Variants in NHS observed in about 807,000 individuals in gnomAD.
NHS encodes the protein NHS actin remodeling regulator, also known as actin remodeling regulator NHS.
NHS carries 5 observed loss-of-function variants against 72.5 expected under a neutral mutation model. The ratio of observed to expected loss-of-function variants is 0.07; its 90% CI spans 0.04 to 0.14. The LOEUF is 0.14. Ranked by LOEUF, NHS falls within the 10% of genes least tolerant of loss-of-function variation. The probability of loss-of-function intolerance (pLI) is 1.00; values close to 1 mark genes in which losing one functional copy is unlikely to be tolerated. For missense variants in NHS, 1,072 were observed against 1,355.7 expected (o/e 0.79, Z 3.29); for synonymous variants, 464 against 547.7 (o/e 0.85, Z 2.13).
At chrX:17,429,963 C>A (rs984072163) in intron 1 of NHS, among the ~76,000 whole-genome samples, 2 of 111,612 alleles carry the variant, frequency 1.8e-5, no homozygotes, top group South Asian at 7.6e-4. Flanking sequence ...GCTGCCTTTT[C>A]CCCCTCACTG....
chrX:17,430,424 C>T (rs2064689484), intron 1 of NHS, among the ~76,000 whole-genome samples: 1 of 92,801 alleles, frequency 1.1e-5, no homozygotes, highest in Admixed American at 1.3e-4. Context: ...TTCCTTCCTT[C>T]CTTCCTTTCT....
intron 1 of NHS, among the ~76,000 whole-genome samples, chrX:17,548,610 A>G (rs768310067): frequency 1.8e-5 from 2 of 112,131 alleles, no homozygotes; most frequent in South Asian, 7.4e-4. Context: ...ATGCACATAC[A>G]CATATAGACA....
intron 1 of NHS, among the ~76,000 whole-genome samples, chrX:17,409,554 C>G (rs982679851): frequency 1.4e-4 from 15 of 111,085 alleles, no homozygotes; most frequent in Non-Finnish European, 2.8e-4. Flanking sequence ...GCTCATATAA[C>G]AAATGTTTCT....
intron 1 of NHS, among the ~76,000 whole-genome samples, chrX:17,522,539 GC>G (rs1018401783): frequency 4.7e-5 from 4 of 85,875 alleles, no homozygotes; most frequent in Admixed American, 3.3e-4. Context: ...GCAGCCCAGG[GC>G]CGTCTGTGGT....
At chrX:17,388,496 A>G (rs2064422192) in intron 1 of NHS, among the ~76,000 whole-genome samples, 1 of 110,611 alleles carries the variant, frequency 9.0e-6, no homozygotes, top group Non-Finnish European at 1.9e-5. Flanking sequence ...AGAGTGTTCC[A>G]GTGGAGAGAA....
chrX:17,390,950 T>C (rs1320811661), intron 1 of NHS, among the ~76,000 whole-genome samples: 2 of 112,176 alleles, frequency 1.8e-5, no homozygotes, highest in Non-Finnish European at 1.9e-5. Context: ...CTGTTAAGAA[T>C]ATTGGCTTGT....
At chrX:17,476,679 T>A (rs1227898387) in intron 1 of NHS, among the ~76,000 whole-genome samples, 4 of 111,641 alleles carry the variant, frequency 3.6e-5, no homozygotes, top group Non-Finnish European at 7.5e-5. Flanking sequence ...TCAAGCTGAA[T>A]CCTACAGAAG....
intron 2 of NHS, among the ~76,000 whole-genome samples, chrX:17,689,660 A>T (rs1428665566): frequency 1.8e-5 from 2 of 112,124 alleles, no homozygotes; most frequent in Non-Finnish European, 3.8e-5. Flanking sequence ...CATGAAGCTG[A>T]CATATAGTAG....
chrX:17,727,884 G>A lies in NHS; in HGVS notation c.3778G>A (p.Glu1260Lys). The A allele has an allele frequency of 1.7e-6, 2 of 1,211,952 alleles. No homozygotes were observed. Among genetic ancestry groups the A allele is most frequent in the Non-Finnish European group, 2.2e-6 (2 of 895,610 alleles). ...GCGTACAGAGACTGAGCCTATTCCA[G>A]AAAACACGCCAACCAAAAACTGTGC... ...QVRTETEPIP[E>K]NTPTKNCAFP... Residue 1260 changes from glutamate to lysine, a missense_variant, in exon 7 of 9, where the codon GAA (glutamate) becomes AAA (lysine). Transcript: ENST00000676302.
rs746566042 is a variant in NHS, at chrX:17,727,021, C to T, written c.2915C>T (p.Thr972Ile). ...TCTAATTCAAGCACCGCTACGGGTA[C>T]CACAGTCATTGAATGCATCAAATCT... ...SLSNSSTATGTTVIECIKSPE... is the reference protein window; with the variant it reads ...SLSNSSTATGITVIECIKSPE... Residue 972 changes from threonine (T) to isoleucine (I), a missense_variant, in exon 7 of 9, where the codon ACC (threonine) becomes ATC (isoleucine). By Grantham distance (89) the Thr-to-Ile change is moderately conservative (BLOSUM62 -1). Coordinates refer to ENST00000676302, the MANE Select transcript of NHS (RefSeq NM_001291867.2). The T allele has an allele frequency of 8.3e-7, 1 of 1,211,851 alleles. No individual in the cohort carries two copies. Among genetic ancestry groups the T allele is most frequent in the African/African-American group, 1.7e-5 (1 of 57,834 alleles).
chrX:17,554,143 T>C (rs1476196906), intron 1 of NHS, among the ~76,000 whole-genome samples: 2 of 112,287 alleles, frequency 1.8e-5, no homozygotes, highest in Non-Finnish European at 3.8e-5. Flanking sequence ...CAGCGCAGCA[T>C]GTCCATATTT....
At chrX:17,424,642 T>C (rs769376426) in intron 1 of NHS, among the ~76,000 whole-genome samples, 22 of 112,346 alleles carry the variant, frequency 2.0e-4, no homozygotes, top group Non-Finnish European at 3.6e-4. Flanking sequence ...AGAAAAGGAA[T>C]AGTACCAGGT....
chrX:17,451,806 T>C (rs2064806653), intron 1 of NHS, among the ~76,000 whole-genome samples: 2 of 112,195 alleles, frequency 1.8e-5, no homozygotes, highest in Admixed American at 1.9e-4. Flanking sequence ...CAATATTCAG[T>C]GAACCGAATT....
chrX:17,712,445 T>G (rs1255243843), intron 3 of NHS, among the ~76,000 whole-genome samples: 1 of 98,716 alleles, frequency 1.0e-5, no homozygotes, highest in Non-Finnish European at 2.0e-5. Flanking sequence ...ATCAAGAAAG[T>G]GGTGATAGCT....
At chrX:17,703,106 A>T (rs2066275903) in intron 3 of NHS, among the ~76,000 whole-genome samples, 1 of 110,758 alleles carries the variant, frequency 9.0e-6, no homozygotes, top group South Asian at 3.8e-4. Flanking sequence ...TCTGTCTATA[A>T]GAAAAATAAA....
rs1051118289 is a variant in NHS, at chrX:17,635,628, C to A, written c.566-52114C>A. On this transcript the variant is annotated intron_variant, in intron 1 of 8. Coordinates refer to ENST00000676302, the MANE Select transcript of NHS (RefSeq NM_001291867.2). ...ATTTGGGGTTTGCAGCATTTCTTGGCAAGACAAAGGGGAGGGGGAGGCTGG... is the reference window on the plus strand; with the variant it reads ...ATTTGGGGTTTGCAGCATTTCTTGGAAAGACAAAGGGGAGGGGGAGGCTGG... 2.6e-6 allele frequency: 3 copies of A among 1,158,307 alleles called. No individual in the cohort carries two copies. The African/African-American group carries it at 5.3e-5, about 21-fold the overall frequency.
intron 3 of NHS, among the ~76,000 whole-genome samples, chrX:17,695,578 C>G (rs896938932): frequency 9.0e-6 from 1 of 111,367 alleles, no homozygotes; most frequent in Non-Finnish European, 1.9e-5. Flanking sequence ...GATTCCCAAA[C>G]TGTGTGCTGA....
intron 1 of NHS, among the ~76,000 whole-genome samples, chrX:17,389,892 G>A (rs774094037): frequency 9.1e-6 from 1 of 109,564 alleles, no homozygotes; most frequent in South Asian, 3.9e-4. Context: ...GTGAGCCACC[G>A]CACCTGGCCA....
chrX:17,554,794 C>T (rs1289031803), intron 1 of NHS, among the ~76,000 whole-genome samples: 1 of 111,583 alleles, frequency 9.0e-6, no homozygotes, highest in African/African-American at 3.3e-5. Flanking sequence ...AACTGGAAGA[C>T]TCATGTTTAT....
Sources: allele counts gnomAD v4.1 joint callset (sites outside exome capture counted in the v4.1 genomes callset), GRCh38; gene constraint gnomAD v4.1.1; transcripts MANE v1.5; gene names NCBI Gene and HGNC (gene_info 2026-07-23, HGNC 2026-07-21).